Variants in FSTL1 observed in about 807,000 individuals in gnomAD.
FSTL1 encodes follistatin like 1.
In FSTL1, 24 loss-of-function variants were observed where a neutral mutation model predicts 45.9. The ratio of observed to expected loss-of-function variants is 0.52; its 90% CI spans 0.38 to 0.74. The LOEUF is 0.74. FSTL1 is among the 30% of genes least tolerant of loss of function. The pLI, the probability that FSTL1 is intolerant of heterozygous loss-of-function variation, is 0.00. For synonymous variants in FSTL1, 120 were observed against 137.6 expected (o/e 0.87, Z 0.89); for missense variants, 340 against 381.8 (o/e 0.89, Z 0.91).
At chr3:120,444,298 C>A (rs185440398) in intron 2 of FSTL1, among the ~76,000 whole-genome samples, 3 of 149,814 alleles carry the variant, frequency 2.0e-5, no homozygotes, top group Admixed American at 2.0e-4. Flanking sequence ...TACCATCCAG[C>A]AGGGATGGTA....
chr3:120,440,148 C>A (rs77364311), intron 2 of FSTL1, among the ~76,000 whole-genome samples: 1,841 of 152,004 alleles, frequency 0.012, 13 homozygotes, highest in Middle Eastern at 0.034. Flanking sequence ...CAAAAAAAAA[C>A]CCCCAAAACT....
At chr3:120,449,120 A>T (rs113334839) in intron 2 of FSTL1, among the ~76,000 whole-genome samples, 1 of 152,220 alleles carries the variant, frequency 6.6e-6, no homozygotes, top group African/African-American at 2.4e-5. Flanking sequence ...GATGGATAAG[A>T]AGCAGACCTG....
intron 2 of FSTL1, among the ~76,000 whole-genome samples, chr3:120,446,075 C>T (rs1282733786): frequency 7.2e-6 from 1 of 138,536 alleles, no homozygotes; most frequent in Non-Finnish European, 1.5e-5. Context: ...TATCATTAAG[C>T]TAATAAAATT....
chr3:120,419,849 G>A (rs939500), intron 2 of FSTL1, among the ~76,000 whole-genome samples: 89,963 of 152,052 alleles, frequency 0.59, 28,883 homozygotes, highest in Middle Eastern at 0.73. Flanking sequence ...CTAGGACCCA[G>A]GGCCAATGTT....
rs1308770254 is a variant in FSTL1, at chr3:120,394,183, G to A, written c.*2769C>T. The A allele has an allele frequency of 2.0e-5, 3 of 152,090 alleles. No individual in the cohort carries two copies. Among genetic ancestry groups the A allele is most frequent in the Non-Finnish European group, 2.9e-5 (2 of 68,030 alleles). 9.4% of individuals were successfully genotyped at this position (152,090 alleles called of 1,614,324 possible). On this transcript the variant is annotated 3_prime_UTR_variant, in exon 11 of 11. Coordinates refer to ENST00000295633, the MANE Select transcript of FSTL1 (RefSeq NM_007085.5). ...GAGAAACTCTTCAGTCCTTTTTAAG[G>A]CTCCTGAAACTCAAATCCACTCTTA...
At chr3:120,400,805 A>C (rs1560010417) in intron 9 of FSTL1, among the ~76,000 whole-genome samples, 1 of 151,278 alleles carries the variant, frequency 6.6e-6, no homozygotes, top group Non-Finnish European at 1.5e-5. Context: ...GGCTCCACAA[A>C]CTCCTCTTAG....
At chr3:120,414,446 A>G (rs1227970386) in intron 3 of FSTL1, among the ~76,000 whole-genome samples, 2 of 151,286 alleles carry the variant, frequency 1.3e-5, no homozygotes, top group African/African-American at 2.4e-5. Context: ...CCTACTGGGA[A>G]GTGAGGAGCC....
intron 2 of FSTL1, chr3:120,424,010 T>C (rs1347202221): frequency 6.6e-6 from 1 of 152,214 alleles, no homozygotes; most frequent in African/African-American, 2.4e-5. Context: ...GTATAAATCC[T>C]CCAGTCTTCT....
At chr3:120,444,989 T>C (rs1458498203) in intron 2 of FSTL1, among the ~76,000 whole-genome samples, 1 of 149,882 alleles carries the variant, frequency 6.7e-6, no homozygotes, top group African/African-American at 2.6e-5. Flanking sequence ...TTTTTTGCTG[T>C]CATAAATAAC....
chr3:120,433,427 T>C (rs140341648), intron 2 of FSTL1, among the ~76,000 whole-genome samples: 37 of 152,360 alleles, frequency 2.4e-4, no homozygotes, highest in African/African-American at 8.4e-4. Context: ...ACAAAGATTG[T>C]AGGCACCTCT....
chr3:120,437,853 T>C (rs969533634), intron 2 of FSTL1, among the ~76,000 whole-genome samples: 1 of 152,202 alleles, frequency 6.6e-6, no homozygotes, highest in African/African-American at 2.4e-5. Context: ...AACATCTGCA[T>C]TGGCCTCTGT....
intron 2 of FSTL1, among the ~76,000 whole-genome samples, chr3:120,429,994 T>G (rs1038123320): frequency 6.6e-6 from 1 of 152,128 alleles, no homozygotes; most frequent in South Asian, 2.1e-4. Flanking sequence ...CAGGAGTGCA[T>G]TCTTACACAT....
chr3:120,412,277 T>A (rs1336421410), intron 3 of FSTL1, among the ~76,000 whole-genome samples: 1 of 152,240 alleles, frequency 6.6e-6, no homozygotes, highest in Non-Finnish European at 1.5e-5. Context: ...CCAAAATTCA[T>A]GTTGATACTT....
At chr3:120,449,374 T>C (rs1252717701) in intron 2 of FSTL1, among the ~76,000 whole-genome samples, 2 of 152,176 alleles carry the variant, frequency 1.3e-5, no homozygotes, top group African/African-American at 4.8e-5. Context: ...CCATTGTGCT[T>C]GGAAGTGGTG....
chr3:120,404,588 G>A (rs79272120), intron 7 of FSTL1, among the ~76,000 whole-genome samples: 2,695 of 152,312 alleles, frequency 0.018, 61 homozygotes, highest in African/African-American at 0.057. Context: ...TTGCTCTGAC[G>A]TGCCCTTGGC....
chr3:120,425,677 A>C (rs1937364192), intron 2 of FSTL1, among the ~76,000 whole-genome samples: 1 of 152,030 alleles, frequency 6.6e-6, no homozygotes, highest in South Asian at 2.1e-4. Context: ...ATCAAACTTC[A>C]CTCTCCCAAG....
intron 6 of FSTL1, among the ~76,000 whole-genome samples, chr3:120,407,835 A>G (rs1160771532): frequency 1.3e-5 from 2 of 152,216 alleles, no homozygotes; most frequent in Non-Finnish European, 2.9e-5. Flanking sequence ...GGTTGTGAGA[A>G]TGTCCTAGAG....
intron 2 of FSTL1, among the ~76,000 whole-genome samples, chr3:120,434,886 A>C (rs1937525598): frequency 6.6e-6 from 1 of 152,162 alleles, no homozygotes; most frequent in African/African-American, 2.4e-5. Context: ...TACAGCTTTA[A>C]TTATCATTTG....
chr3:120,400,354 T>C (rs767773702), intron 9 of FSTL1, among the ~76,000 whole-genome samples: 1 of 152,246 alleles, frequency 6.6e-6, no homozygotes. Flanking sequence ...AGCTGTCTAG[T>C]TCCACCTTCA....
Sources: gnomAD v4.1 joint callset for allele counts (sites outside exome capture counted in the v4.1 genomes callset) on GRCh38, gnomAD v4.1.1 for gene constraint, MANE v1.5 for transcripts, NCBI Gene and HGNC (gene_info 2026-07-23, HGNC 2026-07-21) for gene names.